SPEF2: variants seen among roughly 807,000 people sequenced by gnomAD.
SPEF2 encodes the protein sperm flagellar and cilia associated 2, also known as sperm flagella and cilia-associated protein 2.
A neutral mutation model predicts 224.6 loss-of-function variants in SPEF2; 187 were observed. The observed-to-expected ratio is 0.83, with a 90% CI of 0.74 to 0.94. The LOEUF (loss-of-function observed/expected upper bound fraction) is 0.94. Among genes scored for constraint, SPEF2 ranks in the 40% least tolerant of loss-of-function variants. The probability of loss-of-function intolerance (pLI) is 0.00; values close to 1 mark genes in which losing one functional copy is unlikely to be tolerated. For missense variants in SPEF2, 2,170 were observed against 2,135.6 expected (o/e 1.02, Z -0.32); for synonymous variants, 715 against 707.3 (o/e 1.01, Z -0.17).
chr5:35,704,871 G>A (rs1258883209), intron 17 of SPEF2, among the ~76,000 whole-genome samples: 1 of 152,036 alleles, frequency 6.6e-6, no homozygotes, highest in Non-Finnish European at 1.5e-5. Context: ...CTGAAAAAAA[G>A]AAGAATTAAA....
intron 20 of SPEF2, among the ~76,000 whole-genome samples, chr5:35,715,079 C>A (rs879754216): frequency 3.3e-5 from 5 of 151,830 alleles, no homozygotes; most frequent in Admixed American, 6.6e-5. Flanking sequence ...CCACGCCTGG[C>A]TAATTTTTGT....
intron 23 of SPEF2, among the ~76,000 whole-genome samples, chr5:35,740,676 T>G (rs564114110): frequency 1.3e-5 from 2 of 152,328 alleles, no homozygotes; most frequent in South Asian, 4.1e-4. Flanking sequence ...ATTACCTCTA[T>G]TGAATAGATC....
chr5:35,733,413 A>G (rs1469896676), intron 21 of SPEF2, among the ~76,000 whole-genome samples: 5 of 152,194 alleles, frequency 3.3e-5, no homozygotes, highest in Non-Finnish European at 5.9e-5. Flanking sequence ...AGTTTCCTCT[A>G]TAACAAGACT....
chr5:35,746,140 G>C (rs558441973), intron 23 of SPEF2, among the ~76,000 whole-genome samples: 1 of 152,306 alleles, frequency 6.6e-6, no homozygotes, highest in South Asian at 2.1e-4. Flanking sequence ...TTACATCAAG[G>C]GAACACCCTG....
At chr5:35,776,493 C>T in intron 29 of SPEF2, 98 bp downstream of exon 29, 1 of 1,409,910 alleles carries the variant, frequency 7.1e-7, no homozygotes, top group Non-Finnish European at 9.6e-7. Flanking sequence ...AAGTTAGTTA[C>T]AAATATAAAT....
At chr5:35,802,161 T>C (rs1312142085) in intron 34 of SPEF2, among the ~76,000 whole-genome samples, 1 of 152,194 alleles carries the variant, frequency 6.6e-6, no homozygotes, top group Non-Finnish European at 1.5e-5. Flanking sequence ...CCTGCCTCTC[T>C]GTCTTTACTC....
intron 1 of SPEF2, among the ~76,000 whole-genome samples, chr5:35,620,623 C>T (rs1743369250): frequency 6.6e-6 from 1 of 152,088 alleles, no homozygotes; most frequent in South Asian, 2.1e-4. Context: ...AAATTGGAAA[C>T]AATCTGAGTA....
intron 23 of SPEF2, among the ~76,000 whole-genome samples, chr5:35,741,739 G>T (rs1196785426): frequency 6.6e-6 from 1 of 152,156 alleles, no homozygotes; most frequent in African/African-American, 2.4e-5. Context: ...GTATTCAAAT[G>T]TCCTGGTAAA....
rs772509398 is a variant in SPEF2, at chr5:35,641,463, G to T, written c.194G>T (p.Arg65Leu). 87 of 1,613,076 alleles carry T rather than the reference G, an allele frequency of 5.4e-5. No homozygotes were observed. The highest frequency in any genetic ancestry group is 6.7e-5 in the Non-Finnish European group (79 of 1,179,646). ...AGTGCCAAACTTAATAATTTTTCTC[G>T]CTTGGAGCCAACACTTAACCTTCTG... The part of the protein sequence containing the change: ...VSSAKLNNFS[R>L]LEPTLNLLGV... The change falls in exon 3 of 37, where the codon CGC (arginine) becomes CTC (leucine). Residue 65 changes from arginine (R) to leucine (L), a missense_variant. Coordinates refer to ENST00000356031, the MANE Select transcript of SPEF2 (RefSeq NM_024867.4).
intron 30 of SPEF2, chr5:35,781,603 A>C (rs549722249): frequency 6.6e-6 from 1 of 152,180 alleles, no homozygotes; most frequent in Non-Finnish European, 1.5e-5. Context: ...CCCAAGCTGG[A>C]GAATTAACCC....
chr5:35,694,880 G>A (rs1412493572), intron 13 of SPEF2, among the ~76,000 whole-genome samples: 1 of 152,082 alleles, frequency 6.6e-6, no homozygotes, highest in African/African-American at 2.4e-5. Context: ...ATCTCCCTTG[G>A]GATCTGGGCT....
intron 1 of SPEF2, among the ~76,000 whole-genome samples, chr5:35,625,201 T>A (rs1488455502): frequency 2.0e-5 from 3 of 152,208 alleles, no homozygotes; most frequent in African/African-American, 7.2e-5. Context: ...ACAGATTTTT[T>A]ATAAACTACT....
chr5:35,783,564 A>G (rs1235830370), intron 30 of SPEF2, among the ~76,000 whole-genome samples: 3 of 152,230 alleles, frequency 2.0e-5, no homozygotes, highest in African/African-American at 7.2e-5. Flanking sequence ...ATATTGATAC[A>G]AAGTATTCTA....
At chr5:35,775,943 C>T (rs1344953418) in intron 28 of SPEF2, among the ~76,000 whole-genome samples, 1 of 152,076 alleles carries the variant, frequency 6.6e-6, no homozygotes, top group Non-Finnish European at 1.5e-5. Context: ...AGCACGGTCC[C>T]CACTCCCTTT....
chr5:35,755,943 G>A (rs1311519244), intron 24 of SPEF2, among the ~76,000 whole-genome samples: 1 of 152,160 alleles, frequency 6.6e-6, no homozygotes, highest in Non-Finnish European at 1.5e-5. Context: ...TTTCACAAAT[G>A]AGGAAATTGA....
At chr5:35,618,082 G>A (rs1457889567) in intron 1 of SPEF2, 27 bp downstream of exon 1, 2 of 1,570,330 alleles carry the variant, frequency 1.3e-6, no homozygotes, top group South Asian at 2.3e-5. Flanking sequence ...AGGGGCGAGC[G>A]TCTGAGGGGC....
At chr5:35,719,519 C>G (rs1276717241) in intron 20 of SPEF2, among the ~76,000 whole-genome samples, 3 of 152,144 alleles carry the variant, frequency 2.0e-5, no homozygotes, top group Non-Finnish European at 2.9e-5. Context: ...AAGCCAAGCC[C>G]AACCATGGGT....
chr5:35,737,952 C>G (rs942456150), intron 21 of SPEF2, among the ~76,000 whole-genome samples: 1 of 152,188 alleles, frequency 6.6e-6, no homozygotes, highest in Non-Finnish European at 1.5e-5. Context: ...ATTTGCATTT[C>G]TCTGATGGCC....
chr5:35,733,201 G>A (rs1464507324), intron 21 of SPEF2, among the ~76,000 whole-genome samples: 2 of 151,712 alleles, frequency 1.3e-5, no homozygotes, highest in African/African-American at 2.4e-5. Context: ...TGCAAGCACC[G>A]CCTCCCAGGT....
Sources: allele counts gnomAD v4.1 joint callset (sites outside exome capture counted in the v4.1 genomes callset), GRCh38; gene constraint gnomAD v4.1.1; transcripts MANE v1.5; gene names NCBI Gene and HGNC (gene_info 2026-07-23, HGNC 2026-07-21).